MALRD1: variants seen among roughly 807,000 people sequenced by gnomAD.
MALRD1 encodes MAM and LDL receptor class A domain containing 1, also known as MAM and LDL-receptor class A domain-containing protein 1.
In MALRD1, 247 loss-of-function variants were observed where a neutral mutation model predicts 242.1. The ratio of observed to expected loss-of-function variants is 1.02; its 90% CI spans 0.92 to 1.13. The LOEUF is 1.13. Ranked by LOEUF, MALRD1 falls within the 50% of genes most tolerant of loss-of-function variation. The pLI, the probability that MALRD1 is intolerant of heterozygous loss-of-function variation, is 0.00. For missense variants in MALRD1, 2,989 were observed against 2,533.1 expected (o/e 1.18, Z -3.86); for synonymous variants, 995 against 866.6 (o/e 1.15, Z -2.60).
At chr10:19,331,669 AGT>A (rs1843379467) in intron 24 of MALRD1, 87 bp downstream of exon 24, 1 of 1,079,902 alleles carries the variant, frequency 9.3e-7, no homozygotes, top group African/African-American at 1.6e-5. Context: ...AAACATGCAG[AGT>A]GTGTGTATCT....
intron 12 of MALRD1, among the ~76,000 whole-genome samples, chr10:19,162,820 A>G (rs1834490816): frequency 6.6e-6 from 1 of 151,974 alleles, no homozygotes. Context: ...TGGTACATAT[A>G]CCCACAGTAC....
At chr10:19,246,236 C>T (rs970298415) in intron 18 of MALRD1, among the ~76,000 whole-genome samples, 12 of 152,124 alleles carry the variant, frequency 7.9e-5, no homozygotes, top group Admixed American at 4.6e-4. Context: ...GATTTCCTTT[C>T]CTGATAACCA....
At position 19,692,533 on chromosome 10, in the gene MALRD1, C is replaced by A. The variant is rs1371944587; in HGVS notation, c.6293C>A (p.Ala2098Glu). 2.0e-5 allele frequency: 30 copies of A among 1,535,292 alleles called. No homozygotes were observed. Among genetic ancestry groups the A allele is most frequent in the Non-Finnish European group, 2.4e-5 (28 of 1,146,228 alleles). Residue 2098 changes from alanine to glutamate, a missense_variant, in exon 38 of 40, where the codon GCA becomes GAA. Physicochemically the swap from Ala to Glu is moderately radical, Grantham distance 107. Transcript: ENST00000454679. ...ACAGTTGCAGTCTTGTGTTTTCTTGCAAACAGAAAGGTACCAATAAGGTAA... is the reference window on the plus strand; with the variant it reads ...ACAGTTGCAGTCTTGTGTTTTCTTGAAAACAGAAAGGTACCAATAAGGTAA... ...HITVAVLCFL[A>E]NRKVPIRKTE...
At chr10:19,628,437 C>G (rs1409745) in intron 36 of MALRD1, among the ~76,000 whole-genome samples, 3 of 151,956 alleles carry the variant, frequency 2.0e-5, no homozygotes, top group Non-Finnish European at 4.4e-5. Flanking sequence ...GTATGTAACA[C>G]TTTTTTAAAA....
chr10:19,123,553 A>G lies in MALRD1; in HGVS notation c.756A>G (p.Thr252=), dbSNP rs1372046446. The G allele has an allele frequency of 1.3e-5, 16 of 1,233,610 alleles. No homozygotes were observed. Among genetic ancestry groups the G allele is most frequent in the Non-Finnish European group, 1.4e-5 (14 of 988,006 alleles). 76.4% of individuals were successfully genotyped at this position (1,233,610 alleles called of 1,614,324 possible). Residue 252 remains threonine, a synonymous_variant, in exon 6 of 40, where the codon ACA becomes ACG. Transcript: ENST00000454679. ...NAERELCHPD[T]DLCRFDATDE... ...AGCGGGAGCTATGCCATCCAGATAC[A>G]GATCTCTGCAGATTTGATGCTACAG...
chr10:19,547,849 T>TTTTTA (rs1835305780), intron 32 of MALRD1, among the ~76,000 whole-genome samples: 1 of 105,266 alleles, frequency 9.5e-6, no homozygotes, highest in Non-Finnish European at 2.0e-5. Context: ...TTTTTTTTTT[T>TTTTTA]ACAAATTGAA....
At chr10:19,399,186 T>G (rs1473255574) in intron 28 of MALRD1, among the ~76,000 whole-genome samples, 2 of 152,224 alleles carry the variant, frequency 1.3e-5, no homozygotes, top group Non-Finnish European at 2.9e-5. Context: ...TAGGTTCAAC[T>G]GCTGTGCACA....
At position 19,347,685 on chromosome 10, in the gene MALRD1, A is replaced by T. The variant is rs1277060003; in HGVS notation, c.3902-86A>T. On this transcript the variant is annotated intron_variant, in intron 24 of 39. Coordinates refer to ENST00000454679, the MANE Select transcript of MALRD1 (RefSeq NM_001142308.3). ...GAAGGTTTCAAATATTACATGATAC[A>T]GCAAGATCACTGCAGTTTTGAATTG... 11 of 1,419,302 alleles carry T rather than the reference A, an allele frequency of 7.8e-6. No individual in the cohort carries two copies. In the East Asian group the frequency reaches 2.5e-4, roughly 32 times the overall value. 87.9% of individuals were successfully genotyped at this position (1,419,302 alleles called of 1,614,324 possible).
chr10:19,353,062 A>T (rs1265762011), intron 26 of MALRD1, among the ~76,000 whole-genome samples: 1 of 151,750 alleles, frequency 6.6e-6, no homozygotes, highest in Non-Finnish European at 1.5e-5. Flanking sequence ...ACTGGAGTGC[A>T]GTGGTACAAT....
chr10:19,393,651 T>G (rs1368902303), intron 28 of MALRD1, among the ~76,000 whole-genome samples: 2 of 148,830 alleles, frequency 1.3e-5, no homozygotes, highest in Non-Finnish European at 3.0e-5. Flanking sequence ...AGAGACAGAG[T>G]TTCACCATGT....
intron 31 of MALRD1, among the ~76,000 whole-genome samples, chr10:19,524,584 G>C (rs1834017590): frequency 6.6e-6 from 1 of 152,162 alleles, no homozygotes; most frequent in Non-Finnish European, 1.5e-5. Flanking sequence ...GAGAGTGAGA[G>C]ACAGGCAGAA....
intron 21 of MALRD1, among the ~76,000 whole-genome samples, chr10:19,284,870 A>C (rs1418372284): frequency 1.6e-4 from 3 of 19,122 alleles, no homozygotes; most frequent in Admixed American, 8.2e-4. Context: ...TCCCACCAAC[A>C]GTGTAAAAGT....
At chr10:19,287,361 TCTATTTCTCTCCCCAAATTC>T (rs1841175410) in intron 21 of MALRD1, among the ~76,000 whole-genome samples, 1 of 151,592 alleles carries the variant, frequency 6.6e-6, no homozygotes, top group Admixed American at 6.6e-5. Context: ...GAATAAAACC[TCTATTTCTCTCCCCAAATTC>T]CTATTTCTCT....
At chr10:19,599,559 C>A (rs1838256430) in intron 34 of MALRD1, among the ~76,000 whole-genome samples, 1 of 152,116 alleles carries the variant, frequency 6.6e-6, no homozygotes, top group Non-Finnish European at 1.5e-5. Context: ...CTTCTGTTCA[C>A]CAGGAGGGTT....
At chr10:19,076,575 C>T (rs1835325250) in intron 2 of MALRD1, among the ~76,000 whole-genome samples, 1 of 151,986 alleles carries the variant, frequency 6.6e-6, no homozygotes, top group Admixed American at 6.6e-5. Flanking sequence ...ATTATCTTAA[C>T]ACGGTCAAAA....
intron 36 of MALRD1, among the ~76,000 whole-genome samples, chr10:19,642,564 A>C (rs1840440633): frequency 6.6e-6 from 1 of 152,176 alleles, no homozygotes; most frequent in South Asian, 2.1e-4. Flanking sequence ...AAAATATCAA[A>C]ATTAGCAGTA....
At chr10:19,690,722 C>T (rs1183171506) in intron 36 of MALRD1, among the ~76,000 whole-genome samples, 3 of 151,360 alleles carry the variant, frequency 2.0e-5, no homozygotes, top group African/African-American at 7.3e-5. Flanking sequence ...TCACCAGGTT[C>T]TATATATAAA....
chr10:19,320,818 A>G (rs1842887583), intron 21 of MALRD1, among the ~76,000 whole-genome samples: 1 of 151,992 alleles, frequency 6.6e-6, no homozygotes, highest in South Asian at 2.1e-4. Flanking sequence ...GCATTTCGCT[A>G]ATGACCTGTG....
intron 19 of MALRD1, among the ~76,000 whole-genome samples, chr10:19,264,116 A>T (rs1270146649): frequency 6.6e-6 from 1 of 152,076 alleles, no homozygotes; most frequent in East Asian, 1.9e-4. Context: ...TTCTATTCCT[A>T]ATTTGTTTGG....
Sources: allele counts gnomAD v4.1 joint callset (sites outside exome capture counted in the v4.1 genomes callset), GRCh38; gene constraint gnomAD v4.1.1; transcripts MANE v1.5; gene names NCBI Gene and HGNC (gene_info 2026-07-23, HGNC 2026-07-21).